ZFHX3: variants seen among roughly 807,000 people sequenced by gnomAD.
ZFHX3 encodes the protein zinc finger homeobox 3.
Under a neutral mutation model 279.1 loss-of-function variants are expected in ZFHX3, and 42 were observed. The ratio of observed to expected loss-of-function variants is 0.15; its 90% CI spans 0.12 to 0.19. ZFHX3 has a LOEUF of 0.19. ZFHX3 is among the 10% of genes least tolerant of loss of function. ZFHX3 has a pLI of 1.00. For synonymous variants in ZFHX3, 2,293 were observed against 1,957.8 expected (o/e 1.17, Z -4.52); for missense variants, 4,981 against 4,754.0 (o/e 1.05, Z -1.40).
At chr16:72,937,756 T>C (rs995569764) in intron 3 of ZFHX3, among the ~76,000 whole-genome samples, 1 of 152,170 alleles carries the variant, frequency 6.6e-6, no homozygotes, top group Admixed American at 6.5e-5. Context: ...GAAAACACCA[T>C]CTCCTCTCAC....
chr16:73,074,449 T>C (rs1021036180), intron 8 of ZFHX3, among the ~76,000 whole-genome samples: 2 of 152,226 alleles, frequency 1.3e-5, no homozygotes, highest in African/African-American at 4.8e-5. Context: ...GTATTCATGT[T>C]ACGGATGACC....
intron 2 of ZFHX3, among the ~76,000 whole-genome samples, chr16:73,541,810 T>C (rs1023938462): frequency 9.6e-5 from 12 of 125,308 alleles, no homozygotes; most frequent in African/African-American, 3.2e-4. Flanking sequence ...TTTTTTTTTT[T>C]TTTTTTCCCT....
At chr16:73,460,154 C>T (rs980706263) in intron 2 of ZFHX3, among the ~76,000 whole-genome samples, 3 of 152,176 alleles carry the variant, frequency 2.0e-5, no homozygotes, top group Non-Finnish European at 2.9e-5. Context: ...GGCAACTACT[C>T]CTCTGTTCTC....
intron 2 of ZFHX3, among the ~76,000 whole-genome samples, chr16:73,638,455 T>A (rs761753502): frequency 5.3e-5 from 8 of 152,210 alleles, no homozygotes; most frequent in Admixed American, 1.3e-4. Context: ...ACATACAGTA[T>A]AAAGGTTGTC....
chr16:73,225,565 G>C (rs1274198371), intron 5 of ZFHX3, among the ~76,000 whole-genome samples: 2 of 152,034 alleles, frequency 1.3e-5, no homozygotes, highest in Non-Finnish European at 2.9e-5. Context: ...CTTCCAGCTT[G>C]GGTGATGGAG....
chr16:73,114,697 TA>T (rs926205035), intron 7 of ZFHX3, among the ~76,000 whole-genome samples: 3 of 151,744 alleles, frequency 2.0e-5, no homozygotes, highest in Admixed American at 1.3e-4. Flanking sequence ...TAAAGTAAAA[TA>T]AAAAAAATAA....
intron 4 of ZFHX3, among the ~76,000 whole-genome samples, chr16:72,854,871 T>G (rs897473432): frequency 1.6e-5 from 2 of 121,410 alleles, no homozygotes; most frequent in African/African-American, 6.4e-5. Context: ...CTGGCATAAT[T>G]AGTGTCAAAA....
At chr16:73,061,555 T>TTTCA, upstream of ZFHX3, 1 of 152,194 alleles carries the variant, frequency 6.6e-6, no homozygotes, top group South Asian at 2.1e-4. Context: ...TTTTTTTCCC[T>TTTCA]TTCAGTCCAA....
At chr16:73,349,475 A>AC (rs5817839) in intron 3 of ZFHX3, among the ~76,000 whole-genome samples, 119,262 of 152,068 alleles carry the variant, frequency 0.78, 48,443 homozygotes, top group Non-Finnish European at 0.91. Context: ...TTGTAACTGT[A>AC]CCTTTCATTG....
At chr16:72,829,192 T>C (rs1450522294) in intron 5 of ZFHX3, among the ~76,000 whole-genome samples, 1 of 150,504 alleles carries the variant, frequency 6.6e-6, no homozygotes, top group African/African-American at 2.4e-5. Context: ...TTTTGAATTT[T>C]AGTAGAGACA....
At position 73,800,936 on chromosome 16, in the gene ZFHX3, G is replaced by A. The variant is rs190248596; in HGVS notation, c.-1608+90715C>T. Among the ~76,000 whole-genome samples the A allele has an allele frequency of 7.4e-4, 112 of 152,288 alleles. 1 individual carries two copies. The highest frequency in any genetic ancestry group is 2.5e-3 in the African/African-American group (104 of 41,564). Reference sequence around the variant, plus strand: ...AAGGCCCATCAGCTCATGTGTCTCCGTTCTTCGGCCACTTGCCTGCCCTGG... The same window carrying A: ...AAGGCCCATCAGCTCATGTGTCTCCATTCTTCGGCCACTTGCCTGCCCTGG... On this transcript the variant is annotated intron_variant, in intron 1 of 17. Transcript: ENST00000641206.
At chr16:72,847,754 G>T (rs2037515431) in intron 4 of ZFHX3, among the ~76,000 whole-genome samples, 1 of 152,046 alleles carries the variant, frequency 6.6e-6, no homozygotes, top group Non-Finnish European at 1.5e-5. Flanking sequence ...ACGCAAAGCA[G>T]GGGAGAGTAA....
intron 4 of ZFHX3, among the ~76,000 whole-genome samples, chr16:73,288,566 A>G (rs2014688452): frequency 6.6e-6 from 1 of 152,188 alleles, no homozygotes; most frequent in Non-Finnish European, 1.5e-5. Context: ...AGATGTGCCA[A>G]CTTAGCAACT....
rs750762916 is a variant in ZFHX3, at chr16:72,957,413, G to A, written c.2719+14C>T. The A allele has an allele frequency of 8.8e-6, 14 of 1,588,910 alleles. No individual in the cohort carries two copies. The highest frequency in any genetic ancestry group is 4.5e-5 in the East Asian group (2 of 44,560). On this transcript the variant is annotated intron_variant, in intron 2 of 9. Transcript: ENST00000268489. ...TCCTATCATGAAAACAGACAAACAC[G>A]TAGTCATCCTCACCTAGAGCAGGCG...
At chr16:72,965,297 C>A (rs760407297) in intron 1 of ZFHX3, among the ~76,000 whole-genome samples, 5 of 152,218 alleles carry the variant, frequency 3.3e-5, no homozygotes, top group Non-Finnish European at 7.3e-5. Context: ...CCCAGGACTG[C>A]TCATGCAAAA....
At chr16:73,416,670 G>C (rs546526459) in intron 3 of ZFHX3, among the ~76,000 whole-genome samples, 1 of 152,020 alleles carries the variant, frequency 6.6e-6, no homozygotes, top group Non-Finnish European at 1.5e-5. Flanking sequence ...TCAGGAGATC[G>C]AGACCATCCT....
chr16:73,001,146 A>G (rs11075959), intron 1 of ZFHX3, among the ~76,000 whole-genome samples: 147,910 of 152,322 alleles, frequency 0.97, 72,212 homozygotes, highest in Middle Eastern at 1. Flanking sequence ...CATTTTAGTC[A>G]TCTGCACCCT....
chr16:72,942,146 C>T (rs1555532312), intron 3 of ZFHX3, among the ~76,000 whole-genome samples: 2 of 152,194 alleles, frequency 1.3e-5, no homozygotes, highest in South Asian at 2.1e-4. Context: ...TGGGACTAGA[C>T]GTATTCAAAT....
intron 2 of ZFHX3, among the ~76,000 whole-genome samples, chr16:73,607,862 G>C (rs1383332254): frequency 1.3e-5 from 2 of 152,116 alleles, no homozygotes; most frequent in Admixed American, 6.6e-5. Context: ...TTGAGCCCAG[G>C]AGTTCGAGAC....
Sources: allele counts gnomAD v4.1 joint callset (sites outside exome capture counted in the v4.1 genomes callset), GRCh38; gene constraint gnomAD v4.1.1; transcripts MANE v1.5; gene names NCBI Gene and HGNC (gene_info 2026-07-23, HGNC 2026-07-21).